Variants in ADK observed in about 807,000 individuals in gnomAD.
ADK encodes adenosine kinase.
ADK carries 24 observed loss-of-function variants against 44.7 expected under a neutral mutation model. The observed-to-expected ratio is 0.54, with a 90% CI of 0.39 to 0.76. The LOEUF (loss-of-function observed/expected upper bound fraction) is 0.76, where lower values mean the gene tolerates loss of function less well. Among genes scored for constraint, ADK ranks in the 30% least tolerant of loss-of-function variants. ADK has a pLI of 0.00. For missense variants in ADK, 321 were observed against 425.1 expected (o/e 0.76, Z 2.15); for synonymous variants, 128 against 142.6 (o/e 0.90, Z 0.73).
intron 3 of ADK, among the ~76,000 whole-genome samples, chr10:74,303,585 GTTGTTTTTTTTTT>G (rs1409496456): frequency 2.8e-4 from 18 of 64,648 alleles, no homozygotes; most frequent in East Asian, 9.8e-4. Context: ...TGGTTTTAAT[GTTGTTTTTTTTTT>G]TTTTTTTTTT....
At chr10:74,594,799 A>G (rs1278179917) in intron 8 of ADK, among the ~76,000 whole-genome samples, 1 of 152,166 alleles carries the variant, frequency 6.6e-6, no homozygotes, top group East Asian at 1.9e-4. Flanking sequence ...TTCCCAACAT[A>G]TCAGTAATAC....
intron 1 of ADK, among the ~76,000 whole-genome samples, chr10:74,190,329 T>C (rs1591828373): frequency 6.6e-6 from 1 of 152,352 alleles, no homozygotes; most frequent in East Asian, 1.9e-4. Flanking sequence ...AGTTCATCCA[T>C]AGCCTTGACT....
intron 9 of ADK, among the ~76,000 whole-genome samples, chr10:74,666,353 C>T (rs192323635): frequency 3.3e-5 from 5 of 152,276 alleles, no homozygotes; most frequent in Admixed American, 6.5e-5. Context: ...TAATAAATGA[C>T]ACAAAACAAA....
At chr10:74,262,042 G>C (rs891532413) in intron 3 of ADK, among the ~76,000 whole-genome samples, 2 of 152,092 alleles carry the variant, frequency 1.3e-5, no homozygotes, top group African/African-American at 4.8e-5. Flanking sequence ...TCATGGGCCG[G>C]GTGTGGTGGC....
At chr10:74,559,277 G>A (rs1850373245) in intron 7 of ADK, among the ~76,000 whole-genome samples, 1 of 152,264 alleles carries the variant, frequency 6.6e-6, no homozygotes, top group African/African-American at 2.4e-5. Flanking sequence ...GGCGGAGCCA[G>A]CAGCACTAGG....
At chr10:74,639,812 G>A (rs1455801199) in intron 9 of ADK, among the ~76,000 whole-genome samples, 1 of 151,874 alleles carries the variant, frequency 6.6e-6, no homozygotes, top group Non-Finnish European at 1.5e-5. Context: ...CTCCAGCCTG[G>A]GTGACAGAGC....
intron 6 of ADK, among the ~76,000 whole-genome samples, chr10:74,404,149 G>C (rs191045761): frequency 6.7e-6 from 1 of 148,796 alleles, no homozygotes; most frequent in African/African-American, 2.5e-5. Flanking sequence ...TGGGATTACA[G>C]GCATGAGCCA....
At chr10:74,324,947 C>A (rs1840956128) in intron 4 of ADK, among the ~76,000 whole-genome samples, 2 of 152,064 alleles carry the variant, frequency 1.3e-5, no homozygotes, top group Non-Finnish European at 2.9e-5. Flanking sequence ...GTGTCTTTGT[C>A]ATTTTTGCTC....
At chr10:74,516,883 G>T (rs545981920) in intron 6 of ADK, 1 of 167,744 alleles carries the variant, frequency 6.0e-6, no homozygotes, top group Non-Finnish European at 1.2e-5. Flanking sequence ...TCATGCTGCT[G>T]ATAAAGGCAT....
intron 1 of ADK, among the ~76,000 whole-genome samples, chr10:74,194,774 A>G (rs887401733): frequency 1.3e-5 from 2 of 152,218 alleles, no homozygotes; most frequent in African/African-American, 4.8e-5. Flanking sequence ...TAGTTGACGT[A>G]GAGAGAAGAG....
intron 3 of ADK, among the ~76,000 whole-genome samples, chr10:74,260,433 C>G (rs573286369): frequency 6.6e-6 from 1 of 152,288 alleles, no homozygotes; most frequent in African/African-American, 2.4e-5. Context: ...CTCCACCCAG[C>G]TAATTTTTTA....
chr10:74,617,197 A>ATG (rs1336106739), intron 9 of ADK, among the ~76,000 whole-genome samples: 12 of 152,174 alleles, frequency 7.9e-5, no homozygotes, highest in African/African-American at 2.9e-4. Flanking sequence ...ACGGTAAGAC[A>ATG]TGTAGAATAC....
At chr10:74,593,362 A>G (rs1851783411) in intron 8 of ADK, among the ~76,000 whole-genome samples, 1 of 152,156 alleles carries the variant, frequency 6.6e-6, no homozygotes, top group Non-Finnish European at 1.5e-5. Context: ...ATAGACCCCA[A>G]GACAAGGTGG....
intron 4 of ADK, among the ~76,000 whole-genome samples, chr10:74,315,688 A>G (rs575329559): frequency 4.6e-5 from 7 of 152,340 alleles, no homozygotes; most frequent in Middle Eastern, 3.4e-3. Flanking sequence ...GAACTGGGGA[A>G]GTGGAAAATT....
intron 4 of ADK, among the ~76,000 whole-genome samples, chr10:74,361,334 GTCTT>G (rs753309276): frequency 2.6e-5 from 4 of 151,724 alleles, no homozygotes; most frequent in Admixed American, 1.3e-4. Flanking sequence ...TTTTCTTACT[GTCTT>G]TCTTTGTGGT....
At chr10:74,455,909 T>C (rs924871681) in intron 6 of ADK, among the ~76,000 whole-genome samples, 1 of 152,168 alleles carries the variant, frequency 6.6e-6, no homozygotes, top group Non-Finnish European at 1.5e-5. Flanking sequence ...TAACCCAACC[T>C]TTCTCTTTGG....
At chr10:74,474,472 TC>T (rs1846739473) in intron 6 of ADK, among the ~76,000 whole-genome samples, 1 of 152,064 alleles carries the variant, frequency 6.6e-6, no homozygotes, top group Admixed American at 6.6e-5. Context: ...TTATTTTCTT[TC>T]TTTCTTTTTC....
At chr10:74,465,170 A>G (rs1046020345) in intron 6 of ADK, among the ~76,000 whole-genome samples, 1 of 152,196 alleles carries the variant, frequency 6.6e-6, no homozygotes, top group Admixed American at 6.5e-5. Flanking sequence ...CACCCAAGAC[A>G]GTGATGTTTA....
At chr10:74,440,149 AATTTTTTAT>A (rs1845347865) in intron 6 of ADK, among the ~76,000 whole-genome samples, 1 of 152,104 alleles carries the variant, frequency 6.6e-6, no homozygotes, top group African/African-American at 2.4e-5. Context: ...TTGTTTAAAT[AATTTTTTAT>A]TTGAAAATTG....
Sources: allele counts gnomAD v4.1 joint callset (sites outside exome capture counted in the v4.1 genomes callset), GRCh38; gene constraint gnomAD v4.1.1; transcripts MANE v1.5; gene names NCBI Gene and HGNC (gene_info 2026-07-23, HGNC 2026-07-21).